CENPQ: variants seen among roughly 807,000 people sequenced by gnomAD.
CENPQ encodes centromere protein Q.
A neutral mutation model predicts 36.6 loss-of-function variants in CENPQ; 27 were observed. That is an observed-to-expected ratio of 0.74 (90% CI 0.54 to 1.02). The LOEUF is 1.02. CENPQ is among the 50% of genes least tolerant of loss of function. CENPQ has a pLI of 0.00. For synonymous variants in CENPQ, 101 were observed against 101.7 expected (o/e 0.99, Z 0.04); for missense variants, 306 against 301.8 (o/e 1.01, Z -0.10).
In CENPQ at chr6:49,468,950, T is replaced by C. The variant is rs564448003; in HGVS notation, c.-18-1209T>C. On this transcript the variant is annotated intron_variant, in intron 1 of 8. Transcript: ENST00000335783. ...AGTAGGGGAAGTATAAGGGTGTAGA[T>C]GTAAAGTTGAGGTAATTAGGCATTT... Among the ~76,000 whole-genome samples the C allele has an allele frequency of 2.6e-3, 398 of 152,254 alleles. 2 individuals carry two copies. Among genetic ancestry groups the C allele is most frequent in the African/African-American group, 8.9e-3 (371 of 41,552 alleles).
intron 5 of CENPQ, among the ~76,000 whole-genome samples, chr6:49,479,747 A>C (rs1303924669): frequency 6.6e-6 from 1 of 152,242 alleles, no homozygotes; most frequent in African/African-American, 2.4e-5. Flanking sequence ...GGTAGATTAG[A>C]TAAAGAAAAT....
chr6:49,468,054 C>T (rs568167259), intron 1 of CENPQ, among the ~76,000 whole-genome samples: 14 of 152,284 alleles, frequency 9.2e-5, no homozygotes, highest in African/African-American at 3.1e-4. Context: ...TTGAATGTTA[C>T]ACAGAACGTA....
At chr6:49,489,272 C>T (rs1180787225) in intron 8 of CENPQ, among the ~76,000 whole-genome samples, 1 of 152,168 alleles carries the variant, frequency 6.6e-6, no homozygotes, top group African/African-American at 2.4e-5. Context: ...ATGTTCATAA[C>T]ATCTTCATCA....
chr6:49,489,997 G>T (rs1768680413), intron 8 of CENPQ, among the ~76,000 whole-genome samples: 1 of 152,228 alleles, frequency 6.6e-6, no homozygotes, highest in Non-Finnish European at 1.5e-5. Context: ...GGGATTTTCA[G>T]AATGATCAGT....
At chr6:49,472,221 C>T in intron 4 of CENPQ, 38 bp downstream of exon 4, 1 of 1,530,906 alleles carries the variant, frequency 6.5e-7, no homozygotes, top group Non-Finnish European at 8.8e-7. Context: ...CTTTTGGTTC[C>T]CATTTAGGTG....
intron 5 of CENPQ, among the ~76,000 whole-genome samples, chr6:49,478,570 A>T (rs1195072375): frequency 2.0e-5 from 3 of 152,146 alleles, no homozygotes; most frequent in African/African-American, 7.2e-5. Flanking sequence ...TCCTGTGTAT[A>T]TCATTTTAGC....
intron 1 of CENPQ, among the ~76,000 whole-genome samples, chr6:49,469,958 A>G (rs1768087043): frequency 6.7e-6 from 1 of 149,844 alleles, no homozygotes; most frequent in Non-Finnish European, 1.5e-5. Flanking sequence ...TTCTGATAAG[A>G]GTGAAAATTA....
At chr6:49,478,739 T>C (rs1768360545) in intron 5 of CENPQ, among the ~76,000 whole-genome samples, 1 of 152,168 alleles carries the variant, frequency 6.6e-6, no homozygotes, top group East Asian at 1.9e-4. Context: ...ATAGACTGGA[T>C]TATATACCTA....
At chr6:49,466,066 T>C (rs1184865905) in intron 1 of CENPQ, among the ~76,000 whole-genome samples, 3 of 152,150 alleles carry the variant, frequency 2.0e-5, no homozygotes, top group Non-Finnish European at 1.5e-5. Flanking sequence ...ATTGTAGGGT[T>C]ATTAAATGGC....
chr6:49,488,905 T>C (rs1214417586), intron 8 of CENPQ, among the ~76,000 whole-genome samples: 1 of 152,126 alleles, frequency 6.6e-6, no homozygotes, highest in Non-Finnish European at 1.5e-5. Flanking sequence ...TACCTTAATT[T>C]AGAAAACGCT....
intron 1 of CENPQ, among the ~76,000 whole-genome samples, chr6:49,469,037 G>A (rs955297599): frequency 2.0e-5 from 3 of 152,238 alleles, no homozygotes; most frequent in Non-Finnish European, 4.4e-5. Flanking sequence ...TTCAAGAGCA[G>A]GGTAAAGTGA....
At chr6:49,484,570 TA>T (rs1768532508) in intron 6 of CENPQ, among the ~76,000 whole-genome samples, 1 of 152,246 alleles carries the variant, frequency 6.6e-6, no homozygotes, top group African/African-American at 2.4e-5. Flanking sequence ...AGTTGCAATT[TA>T]TTAAGTACAA....
intron 7 of CENPQ, 31 bp from the exon 8 acceptor site, chr6:49,488,576 T>C: frequency 6.2e-7 from 1 of 1,602,746 alleles, no homozygotes; most frequent in Non-Finnish European, 8.5e-7. Flanking sequence ...ATCAGCTTTT[T>C]GAAATAATCT....
intron 8 of CENPQ, among the ~76,000 whole-genome samples, chr6:49,488,978 G>A (rs533254134): frequency 1.9e-4 from 29 of 152,144 alleles, no homozygotes; most frequent in African/African-American, 6.7e-4. Context: ...TTTTGCCAGT[G>A]GAGGGTCTTG....
At chr6:49,488,126 A>G (rs1768632724) in intron 6 of CENPQ, among the ~76,000 whole-genome samples, 1 of 152,222 alleles carries the variant, frequency 6.6e-6, no homozygotes, top group Non-Finnish European at 1.5e-5. Flanking sequence ...ACATCTCCTT[A>G]TTCCAGGGAA....
In CENPQ at chr6:49,470,144, T is replaced by C. The variant is rs1219503202; in HGVS notation, c.-18-15T>C. On this transcript the variant is annotated splice_polypyrimidine_tract_variant and intron_variant, in intron 1 of 8. Coordinates refer to ENST00000335783, the MANE Select transcript of CENPQ (RefSeq NM_018132.4). ...GTATTATTTTCATCTTTACAGATTT[T>C]TTTTTTTTTCGAAGCACTGTGTTTA... 5.0e-6 allele frequency: 6 copies of C among 1,199,208 alleles called. No individual in the cohort carries two copies. Among genetic ancestry groups the C allele is most frequent in the Non-Finnish European group, 7.2e-6 (6 of 837,220 alleles). The allele number at this position is 1,199,208 out of a possible 1,614,324, so 74.3% of individuals were successfully genotyped here. A position where few individuals can be genotyped will look rare whatever the true frequency, so the allele number is the denominator to read the frequency against.
intron 5 of CENPQ, among the ~76,000 whole-genome samples, chr6:49,474,773 TAAGA>T (rs1303468144): frequency 3.3e-5 from 5 of 150,676 alleles, no homozygotes; most frequent in Admixed American, 6.6e-5. Context: ...GCAAGACTAA[TAAGA>T]AAAGAGAGAA....
At chr6:49,478,630 GA>G (rs1373483541) in intron 5 of CENPQ, among the ~76,000 whole-genome samples, 2 of 152,126 alleles carry the variant, frequency 1.3e-5, no homozygotes, top group Non-Finnish European at 2.9e-5. Flanking sequence ...GCTTCAGTTA[GA>G]AAATTCTAGG....
At chr6:49,471,230 G>A (rs1768126490) in intron 3 of CENPQ, among the ~76,000 whole-genome samples, 1 of 152,198 alleles carries the variant, frequency 6.6e-6, no homozygotes, top group Non-Finnish European at 1.5e-5. Flanking sequence ...ACGAAATACT[G>A]TAGAGGCTTC....
Sources: gnomAD v4.1 joint callset for allele counts (sites outside exome capture counted in the v4.1 genomes callset) on GRCh38, gnomAD v4.1.1 for gene constraint, MANE v1.5 for transcripts, NCBI Gene and HGNC (gene_info 2026-07-23, HGNC 2026-07-21) for gene names.